Variants in SFXN4 observed in about 807,000 individuals in gnomAD.
SFXN4 encodes the protein sideroflexin-4.
SFXN4 carries 48 observed loss-of-function variants against 54.6 expected under a neutral mutation model. That is an observed-to-expected ratio of 0.88 (90% CI 0.70 to 1.12). The LOEUF (loss-of-function observed/expected upper bound fraction) is 1.12, where lower values mean the gene tolerates loss of function less well. Ranked by LOEUF, SFXN4 falls within the 50% of genes most tolerant of loss-of-function variation. SFXN4 has a pLI of 0.00. For synonymous variants in SFXN4, 130 were observed against 145.5 expected, an observed-to-expected ratio of 0.89 and a Z score of 0.77; for missense variants, 383 against 409.2, an observed-to-expected ratio of 0.94 and a Z score of 0.55.
At chr10:119,153,368 C>T (rs1032485165) in intron 11 of SFXN4, among the ~76,000 whole-genome samples, 2 of 143,736 alleles carry the variant, frequency 1.4e-5, no homozygotes, top group African/African-American at 5.1e-5. Flanking sequence ...GTGATCACAC[C>T]ATTGCACTCC....
At chr10:119,141,507 CTTTT>C (rs1234472904) in intron 13 of SFXN4, among the ~76,000 whole-genome samples, 188 bp from the exon 14 acceptor site, 1 of 113,358 alleles carries the variant, frequency 8.8e-6, no homozygotes, top group Admixed American at 9.6e-5. Context: ...ACTTCTTAAA[CTTTT>C]TTTTTTTTTT....
At chr10:119,159,509 G>A (rs564904367) in intron 6 of SFXN4, among the ~76,000 whole-genome samples, 43 of 151,098 alleles carry the variant, frequency 2.8e-4, no homozygotes, top group Admixed American at 1.3e-3. Context: ...GGGCCTTCCA[G>A]AGGCCCGGAT....
chr10:119,159,686 C>G (rs760171018), intron 6 of SFXN4, 42 bp downstream of exon 6: 2 of 1,610,302 alleles, frequency 1.2e-6, no homozygotes, highest in East Asian at 4.5e-5. Context: ...GGCCATCTTC[C>G]CAAGCCCCTA....
intron 1 of SFXN4, 28 bp from the exon 2 acceptor site, chr10:119,164,224 G>C: frequency 7.5e-7 from 1 of 1,335,782 alleles, no homozygotes; most frequent in Non-Finnish European, 1.0e-6. Context: ...CAACAGAGAG[G>C]TTAATGGCAG....
intron 13 of SFXN4, among the ~76,000 whole-genome samples, chr10:119,142,726 ATTTTTTTTTT>A (rs573311460): frequency 1.3e-5 from 1 of 77,468 alleles, no homozygotes; most frequent in Non-Finnish European, 2.4e-5. Context: ...AATGTTTTGA[ATTTTTTTTTT>A]TTTTTTTTTT....
chr10:119,151,889 G>T (rs536984109), intron 11 of SFXN4, among the ~76,000 whole-genome samples: 1 of 151,916 alleles, frequency 6.6e-6, no homozygotes, highest in Admixed American at 6.6e-5. Context: ...ATAATAGCTC[G>T]CTGCAGCCTC....
chr10:119,144,773 G>A (rs1846717297), intron 13 of SFXN4, among the ~76,000 whole-genome samples: 1 of 152,080 alleles, frequency 6.6e-6, no homozygotes, highest in Non-Finnish European at 1.5e-5. Context: ...AAGCACACAA[G>A]AGTACCTAAT....
At chr10:119,160,683 G>A (rs1441861693) in intron 5 of SFXN4, among the ~76,000 whole-genome samples, 7 of 149,494 alleles carry the variant, frequency 4.7e-5, no homozygotes, top group African/African-American at 7.4e-5. Flanking sequence ...TCCGGCTCCC[G>A]GGTTCAAGTT....
chr10:119,156,128 C>G (rs1276220297), intron 10 of SFXN4, among the ~76,000 whole-genome samples: 1 of 152,112 alleles, frequency 6.6e-6, no homozygotes, highest in South Asian at 2.1e-4. Context: ...CACAGATAAT[C>G]TTTAAAATGT....
At chr10:119,159,596 G>C in intron 6 of SFXN4, 132 bp downstream of exon 6, 2 of 938,896 alleles carry the variant, frequency 2.1e-6, no homozygotes, top group Non-Finnish European at 3.5e-6. Context: ...GTTATCAGTG[G>C]GGATCCACAA....
rs750025405 is a variant in SFXN4 at position 119,164,116 on chromosome 10, G to C, written c.177+15C>G. 8.3e-6 allele frequency: 12 copies of C among 1,442,686 alleles called. No individual in the cohort carries two copies. The highest frequency in any genetic ancestry group is 2.9e-6 in the Non-Finnish European group (3 of 1,046,936). The allele number at this position is 1,442,686 out of a possible 1,614,324, so 89.4% of individuals were successfully genotyped here. A position where few individuals can be genotyped will look rare whatever the true frequency, so the allele number is the denominator to read the frequency against. Reference sequence around the variant, plus strand: ...ATAAAATGTGAAATTCATTAGCTCTGAAAACAATACTTACAACTGAAATGA... The same window carrying C: ...ATAAAATGTGAAATTCATTAGCTCTCAAAACAATACTTACAACTGAAATGA... On this transcript the variant is annotated intron_variant, in intron 2 of 13. Coordinates refer to ENST00000355697, the MANE Select transcript of SFXN4 (RefSeq NM_213649.2).
chr10:119,162,253 A>G, intron 3 of SFXN4, 87 bp downstream of exon 3: 1 of 1,045,742 alleles, frequency 9.6e-7, no homozygotes, highest in Non-Finnish European at 1.5e-6. Flanking sequence ...GGAGACAGAG[A>G]TTAATGGCCA....
At chr10:119,156,585 C>T in intron 10 of SFXN4, 93 bp downstream of exon 10, 1 of 991,848 alleles carries the variant, frequency 1.0e-6, no homozygotes, top group Non-Finnish European at 1.6e-6. Context: ...TCACAATGTG[C>T]CAAGGGAGCC....
intron 11 of SFXN4, among the ~76,000 whole-genome samples, chr10:119,151,294 G>A (rs1847057735): frequency 6.6e-6 from 1 of 151,672 alleles, no homozygotes; most frequent in Admixed American, 6.6e-5. Context: ...GCTTGAACCT[G>A]GGAGGCAGAG....
intron 6 of SFXN4, among the ~76,000 whole-genome samples, chr10:119,158,938 G>A (rs1163544969): frequency 6.6e-6 from 1 of 151,286 alleles, no homozygotes; most frequent in Non-Finnish European, 1.5e-5. Context: ...AGCTATGATT[G>A]TGCCACTGCA....
At chr10:119,149,254 C>G (rs989769408) in intron 11 of SFXN4, among the ~76,000 whole-genome samples, 2 of 152,150 alleles carry the variant, frequency 1.3e-5, no homozygotes, top group African/African-American at 2.4e-5. Context: ...CCCGTCCTTC[C>G]CTGAACTCTG....
At chr10:119,155,779 C>T (rs574889786) in intron 10 of SFXN4, among the ~76,000 whole-genome samples, 5 of 152,288 alleles carry the variant, frequency 3.3e-5, no homozygotes, top group African/African-American at 7.2e-5. Context: ...AGGTGTGAGC[C>T]GCCATGCCCG....
intron 3 of SFXN4, 54 bp downstream of exon 3, chr10:119,162,286 T>C (rs867160543): frequency 2.1e-6 from 3 of 1,426,542 alleles, no homozygotes; most frequent in East Asian, 2.3e-5. Context: ...CTTCAGACCA[T>C]GCAGGCAGAA....
chr10:119,159,351 C>T (rs1049772657), intron 6 of SFXN4, among the ~76,000 whole-genome samples: 1 of 152,142 alleles, frequency 6.6e-6, no homozygotes, highest in African/African-American at 2.4e-5. Flanking sequence ...CTCACAGGGA[C>T]AATGCCAGGT....
Sources: gnomAD v4.1 joint callset for allele counts (sites outside exome capture counted in the v4.1 genomes callset) on GRCh38, gnomAD v4.1.1 for gene constraint, MANE v1.5 for transcripts, NCBI Gene and HGNC (gene_info 2026-07-23, HGNC 2026-07-21) for gene names.